The following SPATA1 variants were observed in gnomAD, a reference collection of about 807,000 sequenced individuals.
The protein encoded by SPATA1 is spermatogenesis associated 1.
SPATA1 carries 57 observed loss-of-function variants against 59.6 expected under a neutral mutation model. The ratio of observed to expected loss-of-function variants is 0.96; its 90% CI spans 0.77 to 1.19. SPATA1 has a LOEUF of 1.19. SPATA1 is among the 50% of genes most tolerant of loss of function. The pLI is 0.00. For missense variants in SPATA1, 448 were observed against 480.7 expected (o/e 0.93, Z 0.64); for synonymous variants, 147 against 163.9 (o/e 0.90, Z 0.79).
At chr1:84,553,562 G>C (rs1281982669) in exon 13 of SPATA1, 1 of 152,204 alleles carries the variant, frequency 6.6e-6, no homozygotes, top group Non-Finnish European at 1.5e-5. Flanking sequence ...AAATATAAAA[G>C]AATGGGGGTA....
downstream of SPATA1, among the ~76,000 whole-genome samples, chr1:84,557,560 A>AAG (rs1434785795): frequency 6.7e-6 from 1 of 149,460 alleles, no homozygotes; most frequent in African/African-American, 2.5e-5. Flanking sequence ...AAAAGAAAAA[A>AAG]AAAAAAAGAA....
At chr1:84,536,227 T>C (rs1558599441) in intron 8 of SPATA1, among the ~76,000 whole-genome samples, 1 of 152,224 alleles carries the variant, frequency 6.6e-6, no homozygotes, top group African/African-American at 2.4e-5. Flanking sequence ...AGTTTAATAA[T>C]ATGGATACAC....
intron 1 of SPATA1, among the ~76,000 whole-genome samples, chr1:84,514,447 T>A (rs530489282): frequency 6.6e-6 from 1 of 152,330 alleles, no homozygotes; most frequent in Admixed American, 6.5e-5. Context: ...TTTGGGATAT[T>A]TGCATTATAT....
chr1:84,555,211 A>C (rs756570083), downstream of SPATA1: 2 of 1,584,840 alleles, frequency 1.3e-6, no homozygotes, highest in Non-Finnish European at 1.7e-6. Flanking sequence ...TATATAAATA[A>C]ATTAAAATGG....
At chr1:84,551,288 G>A (rs1427069391) in intron 12 of SPATA1, 1 of 979,248 alleles carries the variant, frequency 1.0e-6, no homozygotes, top group African/African-American at 1.8e-5. Flanking sequence ...AATAATGACT[G>A]CATTCTAGAA....
intron 4 of SPATA1, chr1:84,563,960 TAA>T: frequency 9.3e-7 from 1 of 1,075,930 alleles, no homozygotes; most frequent in Non-Finnish European, 1.2e-6. Context: ...TAATATTGTT[TAA>T]TATGTTATAA....
chr1:84,524,547 C>G (rs1440718744), intron 4 of SPATA1, among the ~76,000 whole-genome samples: 1 of 152,118 alleles, frequency 6.6e-6, no homozygotes, highest in Non-Finnish European at 1.5e-5. Flanking sequence ...CAAGCTGCCT[C>G]TCAAATTTTA....
chr1:84,518,009 T>C (rs1044255737), intron 2 of SPATA1, among the ~76,000 whole-genome samples: 2 of 152,046 alleles, frequency 1.3e-5, no homozygotes, highest in Non-Finnish European at 1.5e-5. Context: ...GTAACCTGTG[T>C]CCCTTGAAGG....
At chr1:84,510,503 C>G (rs988966740) in intron 1 of SPATA1, among the ~76,000 whole-genome samples, 2 of 152,084 alleles carry the variant, frequency 1.3e-5, no homozygotes, top group African/African-American at 4.8e-5. Flanking sequence ...AAAAGATAGA[C>G]AATAACAAAT....
intron 1 of SPATA1, chr1:84,507,153 T>G (rs922323908): frequency 8.5e-5 from 13 of 152,180 alleles, no homozygotes; most frequent in African/African-American, 3.1e-4. Flanking sequence ...GTGTGTTATG[T>G]CACAGCACTA....
intron 6 of SPATA1, 130 bp downstream of exon 6, chr1:84,526,203 C>T (rs1683217200): frequency 1.5e-6 from 1 of 685,922 alleles, no homozygotes; most frequent in East Asian, 2.8e-5. Context: ...GCTACAATTC[C>T]ACTTGGGGAT....
At chr1:84,510,947 CA>C (rs1682511464) in intron 1 of SPATA1, among the ~76,000 whole-genome samples, 1 of 151,966 alleles carries the variant, frequency 6.6e-6, no homozygotes, top group African/African-American at 2.4e-5. Context: ...ACTTATTTGG[CA>C]GTAAAAATTG....
chr1:84,566,686 G>A (rs1317952247), downstream of SPATA1, among the ~76,000 whole-genome samples: 2 of 152,200 alleles, frequency 1.3e-5, no homozygotes, highest in African/African-American at 2.4e-5. Flanking sequence ...AGGGTGGAGT[G>A]CAGTGGCGCA....
At chr1:84,511,675 CTTTCTTTTTTTTTTTT>C in intron 1 of SPATA1, among the ~76,000 whole-genome samples, 1 of 71,052 alleles carries the variant, frequency 1.4e-5, no homozygotes, top group African/African-American at 6.3e-5. Context: ...TTTTTTCTTT[CTTTCTTTTTTTTTTTT>C]TTTTTTTGAG....
intron 12 of SPATA1, chr1:84,552,109 C>T (rs553887357): frequency 6.6e-6 from 1 of 152,058 alleles, no homozygotes; most frequent in East Asian, 1.9e-4. Context: ...TGACACATAA[C>T]AGACATTATT....
intron 8 of SPATA1, among the ~76,000 whole-genome samples, chr1:84,543,522 G>C (rs1039680010): frequency 2.6e-5 from 4 of 152,062 alleles, no homozygotes; most frequent in South Asian, 2.1e-4. Flanking sequence ...AGGAAGGAGT[G>C]GGGGAGATGC....
At chr1:84,548,097 G>C (rs546413863) in intron 10 of SPATA1, among the ~76,000 whole-genome samples, 1 of 152,126 alleles carries the variant, frequency 6.6e-6, no homozygotes, top group Non-Finnish European at 1.5e-5. Context: ...GGATAATAGA[G>C]CATGAGATAA....
downstream of SPATA1, chr1:84,555,073 A>C (rs1684388495): frequency 2.5e-6 from 4 of 1,613,950 alleles, no homozygotes; most frequent in African/African-American, 4.0e-5. Flanking sequence ...GCATCTCCAG[A>C]GTAGTCAAGA....
chr1:84,515,953 G>C (rs1008086170), intron 1 of SPATA1, among the ~76,000 whole-genome samples: 1 of 152,078 alleles, frequency 6.6e-6, no homozygotes, highest in Non-Finnish European at 1.5e-5. Flanking sequence ...TCTACTTCAT[G>C]TAAAATGCTA....
Sources: allele counts gnomAD v4.1 joint callset (sites outside exome capture counted in the v4.1 genomes callset), GRCh38; gene constraint gnomAD v4.1.1; transcripts MANE v1.5; gene names NCBI Gene and HGNC (gene_info 2026-07-23, HGNC 2026-07-21).